The following MSRA variants were observed in gnomAD, a reference collection of about 807,000 sequenced individuals.
MSRA encodes the protein mitochondrial peptide methionine sulfoxide reductase.
In MSRA, 54 loss-of-function variants were observed where a neutral mutation model predicts 31.3. That is an observed-to-expected ratio of 1.73 (90% CI 1.39 to 2.17). The LOEUF (loss-of-function observed/expected upper bound fraction) is 2.17. Among genes scored for constraint, MSRA ranks in the 30% most tolerant of loss-of-function variants. The probability of loss-of-function intolerance (pLI) is 0.00; values close to 1 mark genes in which losing one functional copy is unlikely to be tolerated. For missense variants in MSRA, 507 were observed against 300.9 expected (o/e 1.69, Z -5.07); for synonymous variants, 169 against 116.5 (o/e 1.45, Z -2.90).
intron 5 of MSRA, among the ~76,000 whole-genome samples, chr8:10,370,738 G>A (rs957691585): frequency 6.6e-6 from 1 of 152,228 alleles, no homozygotes; most frequent in Non-Finnish European, 1.5e-5. Flanking sequence ...GAACGACAAG[G>A]AGGAAGCCCT....
Position 10,237,734 on chromosome 8 carries a change from CTCTT to C in MSRA, c.212-7366_212-7363del, listed in dbSNP as rs1812069354. On this transcript the variant is annotated intron_variant, in intron 2 of 5. Transcript: ENST00000317173. ...TAATCTTCGAGTCAGCCATAACCCT[CTCTT>C]TCTCTCAAACTCTGTGTCAAATCTG... Among the ~76,000 whole-genome samples, 3 of 152,336 alleles carry C rather than the reference CTCTT, an allele frequency of 2.0e-5. No homozygotes were observed. The South Asian group carries it at 6.2e-4, about 32-fold the overall frequency.
At chr8:10,054,774 C>CG in intron 1 of MSRA, 116 bp downstream of exon 1, 2 of 1,212,596 alleles carry the variant, frequency 1.6e-6, no homozygotes. Context: ...GGGCGGGTCG[C>CG]GGGGTGGGGG....
rs555651015 is a variant in MSRA at position 10,072,780 on chromosome 8, T to G, written c.142+18122T>G. Among the ~76,000 whole-genome samples, 268 of 152,342 alleles carry G rather than the reference T, an allele frequency of 1.8e-3. 17 individuals carry two copies. Among genetic ancestry groups the G allele is most frequent in the Non-Finnish European group, 1.0e-3 (69 of 68,024 alleles). ...TTGCCTTCAACTTCTTTCATCAGCG[T>G]TTTGTAATTCTCAGTGTATAGATCT... On this transcript the variant is annotated intron_variant, in intron 1 of 5. Coordinates refer to ENST00000317173, the MANE Select transcript of MSRA (RefSeq NM_012331.5).
chr8:10,385,682 C>G (rs959151535), intron 5 of MSRA, among the ~76,000 whole-genome samples: 6 of 152,042 alleles, frequency 3.9e-5, no homozygotes, highest in Non-Finnish European at 7.4e-5. Context: ...TGGAGATTTC[C>G]AAGAGGCAGT....
At chr8:10,177,981 T>A (rs1806202445) in intron 1 of MSRA, among the ~76,000 whole-genome samples, 1 of 152,224 alleles carries the variant, frequency 6.6e-6, no homozygotes, top group African/African-American at 2.4e-5. Context: ...AAGAACCTGT[T>A]CATCTCACTG....
intron 1 of MSRA, among the ~76,000 whole-genome samples, chr8:10,087,758 T>C (rs905841814): frequency 2.6e-5 from 4 of 152,334 alleles, no homozygotes; most frequent in African/African-American, 9.6e-5. Flanking sequence ...GTTATTTCAT[T>C]AGGGAGTGTT....
At chr8:10,320,707 T>C (rs1585461181) in intron 5 of MSRA, among the ~76,000 whole-genome samples, 1 of 152,176 alleles carries the variant, frequency 6.6e-6, no homozygotes, top group African/African-American at 2.4e-5. Context: ...AGGCTGGAAG[T>C]CCAAGATCAA....
intron 3 of MSRA, among the ~76,000 whole-genome samples, chr8:10,262,274 C>T: frequency 6.6e-6 from 1 of 152,168 alleles, no homozygotes; most frequent in East Asian, 1.9e-4. Flanking sequence ...TGTGGTTAGC[C>T]TATGTTTAGC....
At chr8:10,203,701 T>G (rs1055331785) in intron 1 of MSRA, among the ~76,000 whole-genome samples, 13 of 152,252 alleles carry the variant, frequency 8.5e-5, no homozygotes, top group Non-Finnish European at 1.8e-4. Flanking sequence ...TATACTATAC[T>G]TTTTGTCCTT....
At chr8:10,234,184 A>G (rs1472829632) in intron 2 of MSRA, among the ~76,000 whole-genome samples, 1 of 152,234 alleles carries the variant, frequency 6.6e-6, no homozygotes, top group Non-Finnish European at 1.5e-5. Context: ...GAAGAATTAA[A>G]GGAGAGACCT....
chr8:10,227,134 T>G (rs991585272), intron 2 of MSRA, among the ~76,000 whole-genome samples: 18 of 152,138 alleles, frequency 1.2e-4, no homozygotes, highest in Non-Finnish European at 8.8e-5. Flanking sequence ...AGATAGTGAG[T>G]AGATCCTAAA....
chr8:10,369,369 G>A (rs1253979079), intron 5 of MSRA, among the ~76,000 whole-genome samples: 2 of 152,030 alleles, frequency 1.3e-5, no homozygotes, highest in Non-Finnish European at 2.9e-5. Flanking sequence ...CCCCCCTAAT[G>A]GTTGAGTGCT....
chr8:10,220,581 T>A (rs921317380), intron 2 of MSRA, among the ~76,000 whole-genome samples: 4 of 152,190 alleles, frequency 2.6e-5, no homozygotes, highest in Non-Finnish European at 5.9e-5. Context: ...TCCTAAAAAG[T>A]CCTTTGAATC....
Position 10,267,614 on chromosome 8 carries a change from G to A in MSRA, c.331+22391G>A, listed in dbSNP as rs901373096. Among the ~76,000 whole-genome samples the A allele has an allele frequency of 3.3e-5, 5 of 152,100 alleles. No homozygotes were observed. In the South Asian group the frequency reaches 1.0e-3, roughly 32 times the overall value. ...CTTCCATTGTGCTTCTAGCCCAGAAGTGTGCTTGCTTTACAAAAGTCAGGA... is the reference window on the plus strand; with the variant it reads ...CTTCCATTGTGCTTCTAGCCCAGAAATGTGCTTGCTTTACAAAAGTCAGGA... On this transcript the variant is annotated intron_variant, in intron 3 of 5. Coordinates refer to ENST00000317173, the MANE Select transcript of MSRA (RefSeq NM_012331.5).
At chr8:10,361,580 G>A (rs1307216490) in intron 5 of MSRA, among the ~76,000 whole-genome samples, 1 of 152,116 alleles carries the variant, frequency 6.6e-6, no homozygotes, top group Non-Finnish European at 1.5e-5. Flanking sequence ...GCAAACTCGG[G>A]ATGTAAACAC....
At chr8:10,119,107 T>C (rs1007619387) in intron 1 of MSRA, among the ~76,000 whole-genome samples, 12 of 152,220 alleles carry the variant, frequency 7.9e-5, no homozygotes, top group African/African-American at 2.9e-4. Context: ...TATATCTGCA[T>C]AGACTTTTCT....
intron 2 of MSRA, among the ~76,000 whole-genome samples, chr8:10,244,261 C>A (rs181612046): frequency 2.6e-5 from 4 of 152,128 alleles, no homozygotes; most frequent in African/African-American, 7.2e-5. Context: ...TTGTACTGGA[C>A]AGTTTAGAAA....
At chr8:10,266,896 T>C (rs1197605993) in intron 3 of MSRA, among the ~76,000 whole-genome samples, 1 of 152,236 alleles carries the variant, frequency 6.6e-6, no homozygotes, top group African/African-American at 2.4e-5. Context: ...ACATTATATA[T>C]GTACATCACT....
Position 10,367,616 on chromosome 8 carries a change from C to T in MSRA, c.543+47627C>T, listed in dbSNP as rs894752535. Reference sequence around the variant, plus strand: ...AGCAATGGCCCTGTGAAGTGATGAGCCAACCAAGGCACAGAGGTGTTGACT... The same window carrying T: ...AGCAATGGCCCTGTGAAGTGATGAGTCAACCAAGGCACAGAGGTGTTGACT... On this transcript the variant is annotated intron_variant, in intron 5 of 5. Coordinates refer to ENST00000317173, the MANE Select transcript of MSRA (RefSeq NM_012331.5). Among the ~76,000 whole-genome samples the T allele has an allele frequency of 2.0e-5, 3 of 152,190 alleles. No homozygotes were observed. In the East Asian group the frequency reaches 5.8e-4, roughly 29 times the overall value.
Sources: gnomAD v4.1 joint callset for allele counts (sites outside exome capture counted in the v4.1 genomes callset) on GRCh38, gnomAD v4.1.1 for gene constraint, MANE v1.5 for transcripts, NCBI Gene and HGNC (gene_info 2026-07-23, HGNC 2026-07-21) for gene names.